The following DOCK3 variants were observed in gnomAD, a reference collection of about 807,000 sequenced individuals.
The protein encoded by DOCK3 is dedicator of cytokinesis protein 3.
In DOCK3, 60 loss-of-function variants were observed where a neutral mutation model predicts 265.6. The observed-to-expected ratio is 0.23, with a 90% CI of 0.18 to 0.28. The LOEUF is 0.28. Ranked by LOEUF, DOCK3 falls within the 10% of genes least tolerant of loss-of-function variation. The pLI, the probability that DOCK3 is intolerant of heterozygous loss-of-function variation, is 1.00. For synonymous variants in DOCK3, 881 were observed against 938.0 expected (o/e 0.94, Z 1.11); for missense variants, 1,981 against 2,594.3 (o/e 0.76, Z 5.14).
At chr3:50,683,360 T>A (rs2034546124) in intron 1 of DOCK3, among the ~76,000 whole-genome samples, 1 of 152,258 alleles carries the variant, frequency 6.6e-6, no homozygotes, top group Non-Finnish European at 1.5e-5. Context: ...GATATTACTA[T>A]ATTTTCTTTG....
At chr3:51,316,044 T>G (rs576693884) in intron 32 of DOCK3, among the ~76,000 whole-genome samples, 1 of 152,358 alleles carries the variant, frequency 6.6e-6, no homozygotes, top group South Asian at 2.1e-4. Context: ...TCTTCTTGAT[T>G]TACAGTTCTA....
chr3:51,160,640 G>A lies in DOCK3; in HGVS notation c.975G>A (p.Leu325=). The A allele has an allele frequency of 1.2e-6, 2 of 1,613,126 alleles. No homozygotes were observed. Among genetic ancestry groups the A allele is most frequent in the Non-Finnish European group, 1.7e-6 (2 of 1,179,514 alleles). Reference sequence around the variant, plus strand: ...ATGGCTGTGCGGTCCTAAGCATCTTGGATGTCCTACAGTCACTCACAGAAG... The same window carrying A: ...ATGGCTGTGCGGTCCTAAGCATCTTAGATGTCCTACAGTCACTCACAGAAG... The part of the protein sequence containing the change: ...RPYGCAVLSI[L]DVLQSLTEVK... The change falls in exon 12 of 53, where the codon TTG becomes TTA. Residue 325 remains leucine (L), a synonymous_variant. Coordinates refer to ENST00000266037, the MANE Select transcript of DOCK3 (RefSeq NM_004947.5).
At chr3:51,291,728 A>G (rs2081788302) in intron 27 of DOCK3, among the ~76,000 whole-genome samples, 1 of 152,228 alleles carries the variant, frequency 6.6e-6, no homozygotes, top group African/African-American at 2.4e-5. Flanking sequence ...AGAGGAGGGA[A>G]TATTTCCAAA....
intron 52 of DOCK3, 65 bp downstream of exon 52, chr3:51,380,272 AC>A (rs2088518446): frequency 6.9e-6 from 10 of 1,449,026 alleles, no homozygotes; most frequent in Non-Finnish European, 7.6e-6. Context: ...CTCTAGAACC[AC>A]CCTTGGGGTC....
chr3:50,726,457 G>A (rs2037833408), intron 1 of DOCK3, among the ~76,000 whole-genome samples: 1 of 152,174 alleles, frequency 6.6e-6, no homozygotes, highest in African/African-American at 2.4e-5. Context: ...AAAAAGACCT[G>A]AGAAGACCTT....
intron 4 of DOCK3, among the ~76,000 whole-genome samples, chr3:50,916,790 CAG>C (rs2050151360): frequency 6.9e-6 from 1 of 145,132 alleles, no homozygotes; most frequent in African/African-American, 2.6e-5. Context: ...GCCTGGGCAA[CAG>C]AGTGAGATTG....
chr3:51,258,748 G>A (rs904813631), intron 22 of DOCK3, among the ~76,000 whole-genome samples: 4 of 151,972 alleles, frequency 2.6e-5, no homozygotes, highest in Non-Finnish European at 5.9e-5. Context: ...TCCCTCTTTT[G>A]TCCTCTGCTG....
intron 27 of DOCK3, among the ~76,000 whole-genome samples, chr3:51,303,966 G>A (rs1469909625): frequency 1.3e-5 from 2 of 152,198 alleles, no homozygotes; most frequent in East Asian, 1.9e-4. Flanking sequence ...GTGCTGGGGG[G>A]AATCCCACTT....
At chr3:50,940,482 TG>T (rs1162319358) in intron 5 of DOCK3, among the ~76,000 whole-genome samples, 1 of 152,182 alleles carries the variant, frequency 6.6e-6, no homozygotes, top group Non-Finnish European at 1.5e-5. Context: ...ACTGTTGATC[TG>T]TATATTTAAT....
intron 12 of DOCK3, among the ~76,000 whole-genome samples, chr3:51,189,263 AT>A (rs58609915): frequency 0.015 from 2,200 of 148,142 alleles, 34 homozygotes; most frequent in African/African-American, 0.039. Flanking sequence ...TTTGCCCACT[AT>A]TTTTTTTTTA....
At chr3:51,298,368 C>T (rs1012403414) in intron 27 of DOCK3, among the ~76,000 whole-genome samples, 29 of 152,122 alleles carry the variant, frequency 1.9e-4, no homozygotes, top group African/African-American at 6.3e-4. Context: ...AAAAGTTTGT[C>T]CATCTTGTTG....
chr3:51,162,141 C>T (rs2086172763), intron 12 of DOCK3, among the ~76,000 whole-genome samples: 1 of 152,010 alleles, frequency 6.6e-6, no homozygotes, highest in Admixed American at 6.6e-5. Flanking sequence ...GTTTAAAAAC[C>T]CAATATTGTT....
At chr3:50,785,060 G>A (rs188325886) in intron 2 of DOCK3, among the ~76,000 whole-genome samples, 3 of 152,304 alleles carry the variant, frequency 2.0e-5, no homozygotes, top group African/African-American at 7.2e-5. Flanking sequence ...GGGAGGCTGA[G>A]CCAGGAGAAT....
At chr3:50,962,248 T>G (rs2076910047) in intron 5 of DOCK3, among the ~76,000 whole-genome samples, 2 of 152,286 alleles carry the variant, frequency 1.3e-5, no homozygotes, top group South Asian at 4.1e-4. Context: ...ATGAACCACC[T>G]TTTTGCAACA....
At chr3:50,978,157 C>T (rs907184818) in intron 5 of DOCK3, among the ~76,000 whole-genome samples, 10 of 151,402 alleles carry the variant, frequency 6.6e-5, no homozygotes, top group African/African-American at 1.9e-4. Flanking sequence ...CAAAGTCATT[C>T]TCCATCCAAC....
chr3:51,236,859 G>A (rs1231586846), intron 20 of DOCK3, among the ~76,000 whole-genome samples: 1 of 152,154 alleles, frequency 6.6e-6, no homozygotes, highest in Non-Finnish European at 1.5e-5. Flanking sequence ...AGTTGTTTCA[G>A]AACTAGAGTC....
rs577645043 is a variant in DOCK3 at position 51,354,677 on chromosome 3, T to C, written c.4108-205T>C. 3.3e-5 allele frequency among the ~76,000 whole-genome samples: 5 copies of C among 152,314 alleles called. No homozygotes were observed. The East Asian group carries it at 9.6e-4, about 29-fold the overall frequency. On this transcript the variant is annotated intron_variant, in intron 40 of 52. Transcript: ENST00000266037. ...CCAAGCTTCTTGCAGCCTGTACCCT[T>C]CCCTTGGGGCTGCCACACCACAGTG...
intron 3 of DOCK3, among the ~76,000 whole-genome samples, chr3:50,857,532 C>T (rs931267921): frequency 6.6e-6 from 1 of 152,044 alleles, no homozygotes; most frequent in African/African-American, 2.4e-5. Context: ...TTGCAGTCTA[C>T]CCATCTGACA....
chr3:51,251,880 T>C (rs898822902), intron 22 of DOCK3, among the ~76,000 whole-genome samples: 4 of 152,240 alleles, frequency 2.6e-5, no homozygotes, highest in Non-Finnish European at 4.4e-5. Context: ...ATCCCATTGG[T>C]CAATTTTGGC....
Sources: allele counts gnomAD v4.1 joint callset (sites outside exome capture counted in the v4.1 genomes callset), GRCh38; gene constraint gnomAD v4.1.1; transcripts MANE v1.5; gene names NCBI Gene and HGNC (gene_info 2026-07-23, HGNC 2026-07-21).